Variants in RYR3 observed in about 807,000 individuals in gnomAD.
RYR3 encodes the protein ryanodine receptor 3, also known as brain ryanodine receptor-calcium release channel.
RYR3 carries 207 observed loss-of-function variants against 584.3 expected under a neutral mutation model. That is an observed-to-expected ratio of 0.35 (90% CI 0.32 to 0.40). The LOEUF (loss-of-function observed/expected upper bound fraction) is 0.40, where lower values mean the gene tolerates loss of function less well. RYR3 is among the 10% of genes least tolerant of loss of function. The probability of loss-of-function intolerance (pLI) is 1.00; values close to 1 mark genes in which losing one functional copy is unlikely to be tolerated. For synonymous variants in RYR3, 2,416 were observed against 2,248.5 expected, an observed-to-expected ratio of 1.07 and a Z score of -2.11; for missense variants, 5,616 against 6,089.2, an observed-to-expected ratio of 0.92 and a Z score of 2.59.
Position 33,552,401 on chromosome 15 carries a change from G to A in RYR3, c.972+2085G>A, listed in dbSNP as rs117562460. Among the ~76,000 whole-genome samples, 953 of 152,260 alleles carry A rather than the reference G, an allele frequency of 6.3e-3. 4 individuals are homozygous for A. Among genetic ancestry groups the A allele is most frequent in the Admixed American group, 0.01 (155 of 15,300 alleles). On this transcript the variant is annotated intron_variant, in intron 10 of 103. Transcript: ENST00000634891. ...AAGTTCCTCCATTTCCACGTATGGA[G>A]AAGCAAGCAGCGCATGGGTGGAAAG... is the stretch of plus-strand genomic sequence containing the variant.
At chr15:33,805,547 G>A (rs190013771) in intron 69 of RYR3, among the ~76,000 whole-genome samples, 1,714 of 150,202 alleles carry the variant, frequency 0.011, 16 homozygotes, top group Non-Finnish European at 0.018. Flanking sequence ...GTGCGATCTC[G>A]GCTCACTGCA....
intron 38 of RYR3, among the ~76,000 whole-genome samples, chr15:33,671,822 T>C (rs920601405): frequency 1.6e-5 from 2 of 123,302 alleles, no homozygotes; most frequent in African/African-American, 2.7e-5. Context: ...TTTTTTTTTT[T>C]TTTTTTTCCT....
chr15:33,811,807 T>G (rs112851734), intron 72 of RYR3, among the ~76,000 whole-genome samples: 4 of 152,246 alleles, frequency 2.6e-5, no homozygotes, highest in African/African-American at 9.6e-5. Flanking sequence ...CAAAATAATT[T>G]TGTTTCTAGT....
At position 33,647,408 on chromosome 15, in the gene RYR3, A is replaced by G; in HGVS notation, c.3942-16A>G. ...ATACAGCTGAATAACTAAAACATGG[A>G]TTATCTTTCCCCCAGGAAACAGATG... On this transcript the variant is annotated splice_polypyrimidine_tract_variant and intron_variant, in intron 29 of 103. Transcript: ENST00000634891. The G allele has an allele frequency of 1.2e-6, 2 of 1,602,376 alleles. No individual in the cohort carries two copies. Among genetic ancestry groups the G allele is most frequent in the Non-Finnish European group, 1.7e-6 (2 of 1,169,510 alleles).
At chr15:33,437,636 A>T (rs1277965200) in intron 1 of RYR3, among the ~76,000 whole-genome samples, 1 of 152,258 alleles carries the variant, frequency 6.6e-6, no homozygotes, top group Non-Finnish European at 1.5e-5. Context: ...TGAGTGAGCC[A>T]GCTTACAGTC....
intron 82 of RYR3, 87 bp downstream of exon 82, chr15:33,825,763 G>A (rs905469434): frequency 4.5e-5 from 36 of 793,744 alleles, no homozygotes; most frequent in Non-Finnish European, 5.8e-5. Flanking sequence ...ACAGAGTTTC[G>A]CTCTTGTTGC....
intron 18 of RYR3, among the ~76,000 whole-genome samples, chr15:33,610,586 TATTA>T (rs893378653): frequency 2.2e-4 from 33 of 152,334 alleles, no homozygotes; most frequent in Middle Eastern, 3.4e-3. Flanking sequence ...TAATCTTTTT[TATTA>T]ATTAAAAAGA....
chr15:33,548,266 T>C (rs2056402947), intron 9 of RYR3, 62 bp downstream of exon 9: 3 of 994,932 alleles, frequency 3.0e-6, no homozygotes, highest in Admixed American at 4.9e-5. Flanking sequence ...CAGGCCGTTC[T>C]CTTAAATATT....
chr15:33,845,353 A>G (rs185239180), intron 93 of RYR3, among the ~76,000 whole-genome samples: 10 of 152,306 alleles, frequency 6.6e-5, no homozygotes, highest in Admixed American at 6.5e-4. Context: ...CCCAGGTTCA[A>G]GCAATTGTCC....
rs189331895 is a variant in RYR3 at position 33,810,659 on chromosome 15, C to T, written c.10197+10C>T. On this transcript the variant is annotated intron_variant, in intron 71 of 103. Transcript: ENST00000634891. ...ATCGCGATACAGCCATGTAAGCTGC[C>T]CGTCTGCCTGGGCTGAGTGTGTGAT... 242 of 1,613,928 alleles carry T rather than the reference C, an allele frequency of 1.5e-4. No individual in the cohort carries two copies. The African/African-American group carries it at 3.1e-3, about 21-fold the overall frequency.
intron 94 of RYR3, 197 bp from the exon 95 acceptor site, chr15:33,852,848 A>G: frequency 1.9e-6 from 1 of 527,084 alleles, no homozygotes; most frequent in Non-Finnish European, 3.4e-6. Flanking sequence ...TCAAAAGCCA[A>G]TACAAAGTAA....
intron 3 of RYR3, among the ~76,000 whole-genome samples, chr15:33,530,200 A>G (rs938002007): frequency 1.3e-5 from 2 of 152,242 alleles, no homozygotes; most frequent in Non-Finnish European, 2.9e-5. Context: ...CGCCTGCCAC[A>G]CTGCCTTTGT....
intron 62 of RYR3, among the ~76,000 whole-genome samples, chr15:33,769,654 A>G (rs1160133103): frequency 1.3e-5 from 2 of 152,242 alleles, no homozygotes; most frequent in African/African-American, 4.8e-5. Context: ...AAATGATGAG[A>G]CTGAAAAGAG....
intron 1 of RYR3, among the ~76,000 whole-genome samples, chr15:33,428,797 G>GA (rs376192564): frequency 1.3e-5 from 2 of 152,000 alleles, no homozygotes; most frequent in South Asian, 2.1e-4. Flanking sequence ...ACATGTTAGT[G>GA]AAAAAAAGTC....
rs117376037 is a variant in RYR3 at position 33,559,561 on chromosome 15, T to G, written c.973-3276T>G. 5.7e-3 allele frequency among the ~76,000 whole-genome samples: 864 copies of G among 152,154 alleles called. 46 individuals are homozygous for G. The East Asian group carries it at 0.13, about 22-fold the overall frequency. ...CAAGGCAAGGCTGGGGTAAACAGTT[T>G]GGGATTTGCTAGTTTGAGTGATTTC... On this transcript the variant is annotated intron_variant, in intron 10 of 103. Coordinates refer to ENST00000634891, the MANE Select transcript of RYR3 (RefSeq NM_001036.6).
intron 69 of RYR3, among the ~76,000 whole-genome samples, chr15:33,802,987 T>C (rs1006914361): frequency 6.6e-6 from 1 of 151,986 alleles, no homozygotes; most frequent in African/African-American, 2.4e-5. Flanking sequence ...GGGATGGAGG[T>C]CTCATATATA....
intron 2 of RYR3, among the ~76,000 whole-genome samples, chr15:33,494,428 G>A (rs1012987045): frequency 3.3e-5 from 5 of 152,114 alleles, no homozygotes; most frequent in Non-Finnish European, 7.3e-5. Context: ...CAATCATTCT[G>A]CTCATGGCTG....
rs193184305 is a variant in RYR3 at position 33,640,845 on chromosome 15, A to G, written c.3557-3466A>G. On this transcript the variant is annotated intron_variant, in intron 27 of 103. Coordinates refer to ENST00000634891, the MANE Select transcript of RYR3 (RefSeq NM_001036.6). The stretch of plus-strand genomic sequence containing the variant: ...AGCATAATTATATCTATTAGGATGC[A>G]TGTAGGGAGGTGGTATTCTTTGCCC... Among the ~76,000 whole-genome samples, 290 of 152,334 alleles carry G rather than the reference A, an allele frequency of 1.9e-3. 2 individuals carry two copies. Among genetic ancestry groups the G allele is most frequent in the African/African-American group, 6.7e-3 (277 of 41,580 alleles).
At chr15:33,650,246 G>A (rs146598380) in intron 31 of RYR3, among the ~76,000 whole-genome samples, 1,548 of 152,250 alleles carry the variant, frequency 0.01, 43 homozygotes, top group Admixed American at 0.055. Context: ...GCGTGGTGGC[G>A]TGTGCCTGTA....
Sources: allele counts gnomAD v4.1 joint callset (sites outside exome capture counted in the v4.1 genomes callset), GRCh38; gene constraint gnomAD v4.1.1; transcripts MANE v1.5; gene names NCBI Gene and HGNC (gene_info 2026-07-23, HGNC 2026-07-21).